The following PTGFR variants were observed in gnomAD, a reference collection of about 807,000 sequenced individuals.
PTGFR encodes prostaglandin F receptor.
In PTGFR, 15 loss-of-function variants were observed where a neutral mutation model predicts 26.2. That is an observed-to-expected ratio of 0.57 (90% CI 0.38 to 0.88). The LOEUF (loss-of-function observed/expected upper bound fraction) is 0.88, where lower values mean the gene tolerates loss of function less well. Ranked by LOEUF, PTGFR falls within the 40% of genes least tolerant of loss-of-function variation. PTGFR has a pLI of 0.00. For synonymous variants in PTGFR, 165 were observed against 151.1 expected (o/e 1.09, Z -0.68); for missense variants, 369 against 427.2 (o/e 0.86, Z 1.20).
chr1:78,520,753 A>G (rs963365774), intron 2 of PTGFR, among the ~76,000 whole-genome samples: 1 of 152,096 alleles, frequency 6.6e-6, no homozygotes, highest in Non-Finnish European at 1.5e-5. Flanking sequence ...AATTTGATCT[A>G]GTACGCTGTT....
At chr1:78,494,863 C>A (rs2100347606) in intron 2 of PTGFR, among the ~76,000 whole-genome samples, 1 of 152,244 alleles carries the variant, frequency 6.6e-6, no homozygotes, top group East Asian at 1.9e-4. Flanking sequence ...CTCGGCCTCC[C>A]AAAGTGCTGG....
At chr1:78,526,107 G>GA in intron 2 of PTGFR, among the ~76,000 whole-genome samples, 1 of 151,876 alleles carries the variant, frequency 6.6e-6, no homozygotes, top group Non-Finnish European at 1.5e-5. Context: ...ACAAACAAGT[G>GA]AAAAAAAGGT....
At chr1:78,504,073 G>C (rs1209602338) in intron 2 of PTGFR, among the ~76,000 whole-genome samples, 1 of 152,150 alleles carries the variant, frequency 6.6e-6, no homozygotes, top group Non-Finnish European at 1.5e-5. Flanking sequence ...AACTCTGTTG[G>C]AAAGGTGAGA....
chr1:78,498,428 T>C (rs576924042), intron 2 of PTGFR, among the ~76,000 whole-genome samples: 5 of 152,338 alleles, frequency 3.3e-5, no homozygotes, highest in African/African-American at 1.2e-4. Context: ...ATATATTGTT[T>C]ATGTATTTAG....
At chr1:78,529,914 G>A (rs927158246) in intron 2 of PTGFR, among the ~76,000 whole-genome samples, 7 of 152,082 alleles carry the variant, frequency 4.6e-5, no homozygotes, top group African/African-American at 1.7e-4. Context: ...GATTTAGATT[G>A]CACGCTCCTT....
intron 2 of PTGFR, among the ~76,000 whole-genome samples, chr1:78,508,083 A>G (rs1177611432): frequency 1.3e-5 from 2 of 152,122 alleles, no homozygotes; most frequent in Non-Finnish European, 2.9e-5. Flanking sequence ...GCTTATACTC[A>G]GGATACTTTT....
intron 2 of PTGFR, among the ~76,000 whole-genome samples, chr1:78,513,179 G>C (rs1251347597): frequency 1.3e-5 from 2 of 152,138 alleles, no homozygotes; most frequent in African/African-American, 2.4e-5. Context: ...ACTGTAAAAT[G>C]GGCAGAGGTT....
chr1:78,513,367 C>T (rs1650017858), intron 2 of PTGFR, among the ~76,000 whole-genome samples: 1 of 152,136 alleles, frequency 6.6e-6, no homozygotes, highest in Admixed American at 6.5e-5. Context: ...GAAAGTCATC[C>T]ATGTTATGAC....
chr1:78,527,132 C>T (rs668005), intron 2 of PTGFR, among the ~76,000 whole-genome samples: 56,029 of 151,960 alleles, frequency 0.37, 11,603 homozygotes, highest in African/African-American at 0.57. Flanking sequence ...TCTTAAAAGA[C>T]TGTTGGTCAG....
intron 2 of PTGFR, among the ~76,000 whole-genome samples, chr1:78,521,811 A>G (rs930468045): frequency 5.0e-4 from 76 of 152,182 alleles, no homozygotes; most frequent in African/African-American, 1.7e-3. Flanking sequence ...TGGCTGTTGT[A>G]GGTTTTTGAT....
intron 2 of PTGFR, among the ~76,000 whole-genome samples, chr1:78,499,867 T>G (rs1338553246): frequency 6.6e-6 from 1 of 152,222 alleles, no homozygotes; most frequent in African/African-American, 2.4e-5. Flanking sequence ...CTCTACATTA[T>G]TAGTTTATGT....
intron 2 of PTGFR, among the ~76,000 whole-genome samples, chr1:78,510,288 T>C (rs749244553): frequency 1.8e-4 from 28 of 152,192 alleles, no homozygotes; most frequent in Non-Finnish European, 3.7e-4. Context: ...AGAGGTTTAA[T>C]TGGCTCATGG....
At position 78,491,202 on chromosome 1, in the gene PTGFR, C is replaced by T. The variant is rs1167318914; in HGVS notation, c.-107C>T. The T allele has an allele frequency of 1.3e-5, 2 of 152,350 alleles. No individual in the cohort carries two copies. The highest frequency in any genetic ancestry group is 2.4e-5 in the African/African-American group (1 of 41,480). 9.4% of individuals were successfully genotyped at this position (152,350 alleles called of 1,614,324 possible). On this transcript the variant is annotated 5_prime_UTR_variant, in exon 1 of 3. Transcript: ENST00000370757. ...CACCGAGCGGCTCCGTCTTCTGCTC[C>T]TCAGAGAGCCCGGCTGGCGGCCTGG...
chr1:78,511,838 G>C (rs774938054), intron 2 of PTGFR, among the ~76,000 whole-genome samples: 19 of 152,044 alleles, frequency 1.2e-4, no homozygotes, highest in Non-Finnish European at 1.5e-5. Flanking sequence ...CTTTGTCCCT[G>C]TATCTGATCA....
At chr1:78,499,372 G>A (rs1442107606) in intron 2 of PTGFR, among the ~76,000 whole-genome samples, 2 of 152,196 alleles carry the variant, frequency 1.3e-5, no homozygotes, top group African/African-American at 4.8e-5. Context: ...GGTTGTTGCT[G>A]GGCTTTTGCC....
Position 78,519,442 on chromosome 1 carries a change from A to G in PTGFR, c.799-16964A>G, listed in dbSNP as rs114702524. Among the ~76,000 whole-genome samples, 535 of 152,252 alleles carry G rather than the reference A, an allele frequency of 3.5e-3. 3 individuals are homozygous for G. The highest frequency in any genetic ancestry group is 0.012 in the African/African-American group (509 of 41,558). ...TTAATAAGATAATCTTAGTTTTCACATAATATCTGGTAAGCATCCAGTGAA... is the reference window on the plus strand; with the variant it reads ...TTAATAAGATAATCTTAGTTTTCACGTAATATCTGGTAAGCATCCAGTGAA... On this transcript the variant is annotated intron_variant, in intron 2 of 2. Transcript: ENST00000370757.
At chr1:78,528,294 C>CA (rs35137595) in intron 2 of PTGFR, among the ~76,000 whole-genome samples, 669 of 20,116 alleles carry the variant, frequency 0.033, 99 homozygotes, top group Admixed American at 0.045. Flanking sequence ...AGAAAGTTAG[C>CA]AAAAAAAAAA....
At chr1:78,502,026 T>G (rs1213733214) in intron 2 of PTGFR, among the ~76,000 whole-genome samples, 4 of 152,156 alleles carry the variant, frequency 2.6e-5, no homozygotes, top group Non-Finnish European at 5.9e-5. Flanking sequence ...TCTCTTCCAT[T>G]AAGAAGGATT....
At chr1:78,531,160 T>C (rs1471343751) in intron 2 of PTGFR, among the ~76,000 whole-genome samples, 1 of 152,092 alleles carries the variant, frequency 6.6e-6, no homozygotes, top group African/African-American at 2.4e-5. Flanking sequence ...AGTAGGTGGG[T>C]CAAAGCTTCT....
Sources: allele counts gnomAD v4.1 joint callset (sites outside exome capture counted in the v4.1 genomes callset), GRCh38; gene constraint gnomAD v4.1.1; transcripts MANE v1.5; gene names NCBI Gene and HGNC (gene_info 2026-07-23, HGNC 2026-07-21).